The following KIDINS220 variants were observed in gnomAD, a reference collection of about 807,000 sequenced individuals.
KIDINS220 encodes kinase D interacting substrate 220, also known as kinase D-interacting substrate of 220 kDa.
In KIDINS220, 63 loss-of-function variants were observed where a neutral mutation model predicts 157.6. The ratio of observed to expected loss-of-function variants is 0.40; its 90% CI spans 0.33 to 0.49. The LOEUF (loss-of-function observed/expected upper bound fraction) is 0.49, where lower values mean the gene tolerates loss of function less well. KIDINS220 is among the 20% of genes least tolerant of loss of function. KIDINS220 has a pLI of 0.66. For synonymous variants in KIDINS220, 732 were observed against 783.6 expected, an observed-to-expected ratio of 0.93 and a Z score of 1.10; for missense variants, 1,772 against 2,171.2, an observed-to-expected ratio of 0.82 and a Z score of 3.65.
intron 7 of KIDINS220, among the ~76,000 whole-genome samples, chr2:8,804,593 T>C (rs947039125): frequency 1.3e-5 from 2 of 152,110 alleles, no homozygotes; most frequent in African/African-American, 2.4e-5. Flanking sequence ...AGAGGGAAAA[T>C]AAGGCACAGC....
intron 1 of KIDINS220, among the ~76,000 whole-genome samples, chr2:8,827,517 T>C (rs1443976356): frequency 6.6e-6 from 1 of 152,192 alleles, no homozygotes; most frequent in African/African-American, 2.4e-5. Flanking sequence ...ACTCAATCTA[T>C]TAGCAAATGC....
chr2:8,749,254 T>C, intron 24 of KIDINS220: 1 of 283,120 alleles, frequency 3.5e-6, no homozygotes, highest in Non-Finnish European at 7.0e-6. Context: ...TCCCAGCTCA[T>C]ATGAGATGTA....
At chr2:8,758,473 G>C (rs1177742610) in intron 22 of KIDINS220, among the ~76,000 whole-genome samples, 3 of 152,058 alleles carry the variant, frequency 2.0e-5, no homozygotes, top group Non-Finnish European at 4.4e-5. Context: ...CTTCCACACT[G>C]GATCTGTCAA....
rs1290344759 is a variant in KIDINS220 at position 8,730,419 on chromosome 2, T to TA, written c.*300_*301insT. ...AGCCCTTTAAAATACTTCTGACCTATCTTTATACTCAGATCTCACCTCGTC... is the reference window on the plus strand; with the variant it reads ...AGCCCTTTAAAATACTTCTGACCTATACTTTATACTCAGATCTCACCTCGTC... On this transcript the variant is annotated 3_prime_UTR_variant, in exon 30 of 30. Transcript: ENST00000256707. 2 of 1,169,460 alleles carry TA rather than the reference T, an allele frequency of 1.7e-6. No homozygotes were observed. Among genetic ancestry groups the TA allele is most frequent in the African/African-American group, 3.2e-5 (2 of 63,020 alleles). The allele number at this position is 1,169,460 out of a possible 1,614,324, so 72.4% of individuals were successfully genotyped here.
intron 24 of KIDINS220, among the ~76,000 whole-genome samples, chr2:8,749,809 C>CA (rs2148045494): frequency 6.6e-6 from 1 of 151,914 alleles, no homozygotes; most frequent in South Asian, 2.1e-4. Context: ...TATAAACAAA[C>CA]AAAAAACAGA....
chr2:8,789,500 G>C (rs1018043518), intron 14 of KIDINS220, among the ~76,000 whole-genome samples: 2 of 152,030 alleles, frequency 1.3e-5, no homozygotes, highest in African/African-American at 4.8e-5. Context: ...ATGTCAGCCA[G>C]GATGGTCTCG....
At chr2:8,826,928 A>T in intron 2 of KIDINS220, 58 bp downstream of exon 2, 1 of 920,268 alleles carries the variant, frequency 1.1e-6, no homozygotes, top group South Asian at 1.4e-5. Context: ...TATCCTATAC[A>T]TAGCAGGCAG....
At position 8,785,845 on chromosome 2, in the gene KIDINS220, G is replaced by A. The variant is rs377048648; in HGVS notation, c.2125C>T (p.Arg709Cys). Residue 709 changes from arginine (R) to cysteine (C), a missense_variant, in exon 17 of 30, where the codon CGT becomes TGT. Physicochemically the swap from Arg to Cys is radical, Grantham distance 180. Coordinates refer to ENST00000256707, the MANE Select transcript of KIDINS220 (RefSeq NM_020738.4). ...GAGTCCAGCACTTGCCACCATGTACGACAGTTCAACACAAAGGCCAATCCC... is the reference window on the plus strand; with the variant it reads ...GAGTCCAGCACTTGCCACCATGTACAACAGTTCAACACAAAGGCCAATCCC... ...VVGLAFVLNC[R>C]TWWQVLDSLL... The A allele has an allele frequency of 3.1e-5, 50 of 1,613,964 alleles. No individual in the cohort carries two copies. The highest frequency in any genetic ancestry group is 3.8e-5 in the Non-Finnish European group (45 of 1,180,004).
chr2:8,727,528 C>G (rs1209409797), downstream of KIDINS220, among the ~76,000 whole-genome samples: 1 of 152,166 alleles, frequency 6.6e-6, no homozygotes, highest in African/African-American at 2.4e-5. Flanking sequence ...AACTAAAAAT[C>G]ACCTTTTAAA....
chr2:8,757,700 C>CT (rs759715987), intron 22 of KIDINS220: 3 of 1,612,560 alleles, frequency 1.9e-6, no homozygotes, highest in Non-Finnish European at 1.7e-6. Context: ...ATTAAAATGG[C>CT]TTTTCTCAGC....
At chr2:8,744,430 A>C (rs1449578395) in intron 26 of KIDINS220, among the ~76,000 whole-genome samples, 9 of 101,760 alleles carry the variant, frequency 8.8e-5, no homozygotes, top group Non-Finnish European at 1.7e-4. Context: ...ATATATATAT[A>C]TATATATATA....
intron 2 of KIDINS220, among the ~76,000 whole-genome samples, chr2:8,824,743 T>C (rs1340279334): frequency 6.6e-6 from 1 of 152,160 alleles, no homozygotes; most frequent in Non-Finnish European, 1.5e-5. Flanking sequence ...AGCAGCATTA[T>C]TCACAATAGC....
intron 22 of KIDINS220, among the ~76,000 whole-genome samples, chr2:8,764,502 A>C (rs1282443708): frequency 9.2e-5 from 14 of 152,350 alleles, no homozygotes; most frequent in Middle Eastern, 3.4e-3. Flanking sequence ...GTTACAGGGA[A>C]TGCCTTCAAA....
Position 8,731,660 on chromosome 2 carries a change from T to A in KIDINS220, c.4376A>T (p.Asp1459Val). ...GGTGGAAACCCCTGATGATGAATAA[T>A]CGATAACATCTCCCCTCTTCATTAG... ...SFLMKRGDVI[D>V]YSSSGVSTND... Residue 1459 changes from aspartate to valine, a missense_variant, in exon 30 of 30, where the codon GAT becomes GTT. By Grantham distance (152) the Asp-to-Val change is radical (BLOSUM62 -3). Transcript: ENST00000256707. The surrounding 1 kb of genome is among the most constrained non-coding windows in gnomAD (Gnocchi z 5.2). 1 of 1,614,214 alleles carries A rather than the reference T, an allele frequency of 6.2e-7. No individual in the cohort carries two copies. The highest frequency in any genetic ancestry group is 1.1e-5 in the South Asian group (1 of 91,088).
intron 6 of KIDINS220, among the ~76,000 whole-genome samples, chr2:8,806,969 T>C (rs926011797): frequency 6.6e-6 from 1 of 152,170 alleles, no homozygotes; most frequent in African/African-American, 2.4e-5. Flanking sequence ...GCTTCCCATA[T>C]CTTATGAAAC....
intron 1 of KIDINS220, among the ~76,000 whole-genome samples, chr2:8,831,837 G>C (rs1040454600): frequency 1.3e-5 from 2 of 152,092 alleles, no homozygotes; most frequent in African/African-American, 4.8e-5. Flanking sequence ...CATCAAACAA[G>C]GTCACTCTGT....
rs578104420 is a variant in KIDINS220 at position 8,785,685 on chromosome 2, T to C, written c.2229+56A>G. 7.6e-5 allele frequency: 110 copies of C among 1,438,790 alleles called. No homozygotes were observed. The African/African-American group carries it at 1.5e-3, about 20-fold the overall frequency. The allele number at this position is 1,438,790 out of a possible 1,614,324, so 89.1% of individuals were successfully genotyped here. On this transcript the variant is annotated intron_variant, in intron 17 of 29. Coordinates refer to ENST00000256707, the MANE Select transcript of KIDINS220 (RefSeq NM_020738.4). ...GTACTTCCTAAAGCCCAAATGAGCA[T>C]GGCAGTGGCAACATATTCGCATTAC...
rs200074000 is a variant in KIDINS220, at chr2:8,818,797, G to C, written c.109-4C>G. 100 of 1,562,232 alleles carry C rather than the reference G, an allele frequency of 6.4e-5. No individual in the cohort carries two copies. The highest frequency in any genetic ancestry group is 8.3e-5 in the Non-Finnish European group (95 of 1,144,238). The stretch of plus-strand genomic sequence containing the variant: ...TCATCAGTGGAGTCTGGCCACACTA[G>C]AGAATATAAAAGACAAAGGGAACTT... On this transcript the variant is annotated splice_polypyrimidine_tract_variant and splice_region_variant and intron_variant, in intron 2 of 29. Transcript: ENST00000256707.
intron 24 of KIDINS220, chr2:8,749,353 T>C (rs1364226755): frequency 2.2e-6 from 1 of 451,248 alleles, no homozygotes; most frequent in Non-Finnish European, 4.4e-6. Flanking sequence ...ATAGCAAAAA[T>C]AAGAAATTGC....
Sources: allele counts gnomAD v4.1 joint callset (sites outside exome capture counted in the v4.1 genomes callset), GRCh38; gene constraint gnomAD v4.1.1; non-coding constraint Gnocchi (gnomAD v3.1); transcripts MANE v1.5; gene names NCBI Gene and HGNC (gene_info 2026-07-23, HGNC 2026-07-21).